The following SHANK2 variants were observed in gnomAD, a reference collection of about 807,000 sequenced individuals.
SHANK2 encodes SH3 and multiple ankyrin repeat domains 2.
A neutral mutation model predicts 133.7 loss-of-function variants in SHANK2; 43 were observed. That is an observed-to-expected ratio of 0.32 (90% CI 0.25 to 0.41). The LOEUF is 0.41. Among genes scored for constraint, SHANK2 ranks in the 10% least tolerant of loss-of-function variants. The probability of loss-of-function intolerance (pLI) is 1.00; values close to 1 mark genes in which losing one functional copy is unlikely to be tolerated. For synonymous variants in SHANK2, 1,017 were observed against 952.8 expected (o/e 1.07, Z -1.24); for missense variants, 1,994 against 2,235.8 (o/e 0.89, Z 2.18).
intron 17 of SHANK2, among the ~76,000 whole-genome samples, chr11:70,507,727 G>C (rs1554968646): frequency 1.3e-5 from 2 of 152,202 alleles, no homozygotes; most frequent in Non-Finnish European, 2.9e-5. Flanking sequence ...GCTTGCAAAA[G>C]CCAGGAAAGT....
At chr11:71,058,043 C>T (rs1326617906) in intron 9 of SHANK2, among the ~76,000 whole-genome samples, 4 of 145,590 alleles carry the variant, frequency 2.7e-5, no homozygotes, top group Non-Finnish European at 4.5e-5. Flanking sequence ...TATAGGGATG[C>T]GCCACCATGC....
intron 8 of SHANK2, among the ~76,000 whole-genome samples, chr11:71,075,958 A>T (rs1334625206): frequency 6.6e-6 from 1 of 152,212 alleles, no homozygotes; most frequent in Non-Finnish European, 1.5e-5. Flanking sequence ...CTTTCGCCTG[A>T]GTACCTATGT....
At chr11:70,682,392 G>T (rs1945048326) in intron 15 of SHANK2, among the ~76,000 whole-genome samples, 1 of 152,232 alleles carries the variant, frequency 6.6e-6, no homozygotes. Flanking sequence ...AGGACACAAT[G>T]ATGTTGCAAA....
At chr11:70,686,668 G>A (rs956032177) in intron 15 of SHANK2, among the ~76,000 whole-genome samples, 3 of 152,172 alleles carry the variant, frequency 2.0e-5, no homozygotes, top group African/African-American at 4.8e-5. Context: ...GGGGTGGGCA[G>A]AGAAAAGGCA....
intron 12 of SHANK2, among the ~76,000 whole-genome samples, chr11:70,815,175 A>AACACACACACACACACAC (rs61610592): frequency 8.4e-6 from 1 of 119,716 alleles, no homozygotes; most frequent in East Asian, 2.7e-4. Flanking sequence ...TGGGAGAAGA[A>AACACACACACACACACAC]ACACACACAC....
chr11:70,573,549 C>CG (rs544869059), intron 17 of SHANK2, among the ~76,000 whole-genome samples: 19,007 of 104,684 alleles, frequency 0.18, 1,331 homozygotes, highest in East Asian at 0.23. Flanking sequence ...TGTGTGGGGG[C>CG]GGGGGGGGGG....
chr11:70,571,802 G>A (rs2060048939), intron 17 of SHANK2, among the ~76,000 whole-genome samples: 1 of 152,072 alleles, frequency 6.6e-6, no homozygotes, highest in South Asian at 2.1e-4. Flanking sequence ...GCATCAGGGG[G>A]CCCCAAGGAG....
At chr11:70,636,090 C>A (rs1407410782) in intron 17 of SHANK2, among the ~76,000 whole-genome samples, 2 of 152,290 alleles carry the variant, frequency 1.3e-5, no homozygotes, top group Non-Finnish European at 2.9e-5. Flanking sequence ...AGCCTAAATC[C>A]TTCCCCTTGG....
intron 11 of SHANK2, among the ~76,000 whole-genome samples, chr11:70,822,352 A>G (rs900344525): frequency 1.3e-5 from 2 of 152,224 alleles, no homozygotes; most frequent in South Asian, 4.1e-4. Flanking sequence ...GCCTCAGAGG[A>G]GAAGAACGTC....
At chr11:70,864,864 GA>G (rs1409153970) in intron 11 of SHANK2, 2 of 151,994 alleles carry the variant, frequency 1.3e-5, no homozygotes, top group Admixed American at 1.3e-4. Context: ...CATCTATACA[GA>G]AAATACAAAA....
intron 2 of SHANK2, among the ~76,000 whole-genome samples, chr11:71,200,241 T>A (rs563113120): frequency 6.6e-6 from 1 of 152,306 alleles, no homozygotes; most frequent in South Asian, 2.1e-4. Flanking sequence ...GTCTGGCTCC[T>A]TTCACCACAC....
chr11:70,538,320 C>T (rs2059570664), intron 17 of SHANK2, among the ~76,000 whole-genome samples: 1 of 152,244 alleles, frequency 6.6e-6, no homozygotes, highest in African/African-American at 2.4e-5. Flanking sequence ...CCGGAGGGAC[C>T]AGGGGATCTG....
chr11:70,909,743 T>TA (rs1472970423), intron 10 of SHANK2, among the ~76,000 whole-genome samples: 2 of 152,044 alleles, frequency 1.3e-5, no homozygotes, highest in African/African-American at 2.4e-5. Flanking sequence ...CCTCCCTGCT[T>TA]AAAAAAGGCA....
rs1953426916 is a variant in SHANK2 at position 71,175,655 on chromosome 11, T to C, written c.-12-28317A>G. On this transcript the variant is annotated intron_variant, in intron 2 of 25. Coordinates refer to ENST00000601538, the MANE Select transcript of SHANK2 (RefSeq NM_012309.5). This position sits in a 1 kb window ranked among gnomAD's most constrained non-coding sequence, Gnocchi z 4.2. ...AAGATGGAGGAAGGGAAACTGGATT[T>C]AGCGTCCTACCTGAAACCACCCAAA... Among the ~76,000 whole-genome samples, 1 of 151,238 alleles carries C rather than the reference T, an allele frequency of 6.6e-6. No individual in the cohort carries two copies. Among genetic ancestry groups the C allele is most frequent in the South Asian group, 2.1e-4 (1 of 4,784 alleles).
At chr11:70,556,590 CTT>C (rs56161301) in intron 17 of SHANK2, among the ~76,000 whole-genome samples, 109 of 140,098 alleles carry the variant, frequency 7.8e-4, no homozygotes, top group South Asian at 3.2e-3. Context: ...TAATTTTTTT[CTT>C]TTTTTTTTTT....
At chr11:70,755,983 C>T (rs553924788) in intron 14 of SHANK2, among the ~76,000 whole-genome samples, 2 of 152,298 alleles carry the variant, frequency 1.3e-5, no homozygotes, top group East Asian at 1.9e-4. Context: ...ATGACTTAGC[C>T]GCTTCACCGA....
At chr11:70,877,890 A>G (rs1480676632) in intron 11 of SHANK2, among the ~76,000 whole-genome samples, 1 of 152,240 alleles carries the variant, frequency 6.6e-6, no homozygotes, top group Non-Finnish European at 1.5e-5. Flanking sequence ...ATAGTCAGCA[A>G]TTGACTCAAC....
chr11:71,154,470 C>G (rs1424955219), intron 2 of SHANK2, among the ~76,000 whole-genome samples: 1 of 152,206 alleles, frequency 6.6e-6, no homozygotes, highest in Non-Finnish European at 1.5e-5. Context: ...GAGAAAGGCA[C>G]GCTGGCTTCC....
chr11:70,936,583 C>A (rs782421092), intron 10 of SHANK2, among the ~76,000 whole-genome samples: 2 of 152,116 alleles, frequency 1.3e-5, no homozygotes, highest in African/African-American at 2.4e-5. Flanking sequence ...AGAAGCAAGA[C>A]CATGTGTTTG....
Sources: allele counts gnomAD v4.1 joint callset (sites outside exome capture counted in the v4.1 genomes callset), GRCh38; gene constraint gnomAD v4.1.1; non-coding constraint Gnocchi (gnomAD v3.1); transcripts MANE v1.5; gene names NCBI Gene and HGNC (gene_info 2026-07-23, HGNC 2026-07-21).